Variants in TSHZ2 observed in about 807,000 individuals in gnomAD.
The protein encoded by TSHZ2 is teashirt homolog 2.
TSHZ2 carries 21 observed loss-of-function variants against 74.4 expected under a neutral mutation model. That is an observed-to-expected ratio of 0.28 (90% CI 0.20 to 0.41). TSHZ2 has a LOEUF of 0.41. Ranked by LOEUF, TSHZ2 falls within the 10% of genes least tolerant of loss-of-function variation. The pLI is 1.00. For missense variants in TSHZ2, 1,244 were observed against 1,293.5 expected (o/e 0.96, Z 0.59); for synonymous variants, 540 against 515.3 (o/e 1.05, Z -0.65).
intron 2 of TSHZ2, among the ~76,000 whole-genome samples, chr20:53,353,101 T>C (rs913917936): frequency 6.6e-6 from 1 of 152,138 alleles, no homozygotes; most frequent in Non-Finnish European, 1.5e-5. Context: ...AAAATGAAAA[T>C]AGAAAAATTA....
chr20:53,043,325 A>T (rs187766442), intron 1 of TSHZ2, among the ~76,000 whole-genome samples: 110 of 152,212 alleles, frequency 7.2e-4, no homozygotes, highest in Non-Finnish European at 1.3e-3. Context: ...ACATTACCAA[A>T]TGTCCCCGTT....
intron 2 of TSHZ2, among the ~76,000 whole-genome samples, chr20:53,391,901 C>G (rs899793900): frequency 2.0e-5 from 3 of 152,088 alleles, no homozygotes; most frequent in Non-Finnish European, 4.4e-5. Context: ...CAAGATGGTG[C>G]CACTGCACTC....
intron 1 of TSHZ2, among the ~76,000 whole-genome samples, chr20:53,009,119 A>G (rs994394481): frequency 6.6e-6 from 1 of 151,718 alleles, no homozygotes; most frequent in African/African-American, 2.4e-5. Context: ...GCTTGAGCCC[A>G]GGAGTTCAAG....
chr20:53,106,662 T>A (rs1361066978), intron 1 of TSHZ2, among the ~76,000 whole-genome samples: 5 of 150,818 alleles, frequency 3.3e-5, no homozygotes. Context: ...CCTCCCAAAG[T>A]GCTGGGATTA....
At chr20:53,231,975 C>G (rs139899233) in intron 1 of TSHZ2, among the ~76,000 whole-genome samples, 70 of 152,270 alleles carry the variant, frequency 4.6e-4, no homozygotes, top group African/African-American at 1.7e-3. Flanking sequence ...GCCTCAAACT[C>G]CTGGGCTCAA....
intron 1 of TSHZ2, chr20:53,178,491 A>G (rs568789755): frequency 6.6e-6 from 1 of 152,272 alleles, no homozygotes; most frequent in African/African-American, 2.4e-5. Context: ...GACTCTGTCC[A>G]TTGTAAAACA....
chr20:53,095,328 C>T (rs371385303), intron 1 of TSHZ2, among the ~76,000 whole-genome samples: 161 of 152,270 alleles, frequency 1.1e-3, no homozygotes, highest in African/African-American at 3.6e-3. Flanking sequence ...CTCAGAAGTT[C>T]TAGGCAATAT....
chr20:53,427,159 T>A (rs1983684942), intron 2 of TSHZ2, among the ~76,000 whole-genome samples: 1 of 151,934 alleles, frequency 6.6e-6, no homozygotes, highest in African/African-American at 2.4e-5. Flanking sequence ...TCAAGTAGAG[T>A]GTGATGGCGT....
chr20:53,136,323 C>T (rs1268621867), intron 1 of TSHZ2, among the ~76,000 whole-genome samples: 2 of 152,154 alleles, frequency 1.3e-5, no homozygotes, highest in East Asian at 1.9e-4. Flanking sequence ...AAGTAGAGAG[C>T]GTATATTGGT....
chr20:53,211,869 T>C (rs1044593028), intron 1 of TSHZ2, among the ~76,000 whole-genome samples: 2 of 152,204 alleles, frequency 1.3e-5, no homozygotes, highest in Non-Finnish European at 2.9e-5. Flanking sequence ...AGGTAACTTT[T>C]CAACACTCAT....
intron 2 of TSHZ2, among the ~76,000 whole-genome samples, chr20:53,278,750 G>A (rs1990993697): frequency 6.6e-6 from 1 of 152,042 alleles, no homozygotes; most frequent in African/African-American, 2.4e-5. Context: ...TCTAAATGAG[G>A]AGTCATCAAT....
chr20:53,099,007 T>TACCAA (rs1986138282), intron 1 of TSHZ2, among the ~76,000 whole-genome samples: 1 of 152,196 alleles, frequency 6.6e-6, no homozygotes, highest in South Asian at 2.1e-4. Context: ...AATGAGTCTT[T>TACCAA]GCCTAGGTGC....
rs140260988 is a variant in TSHZ2 at position 53,254,949 on chromosome 20, A to G, written c.1491A>G (p.Lys497=). ...AAAAACCTTTAGACCCTACAATCAA[A>G]TATCAATACCTAAGGGAGGAAGACT... ...PLQKPLDPTI[K]YQYLREEDLE... is the part of the protein sequence containing the mutation. Residue 497 remains lysine, a synonymous_variant, in exon 2 of 3, where the codon AAA becomes AAG. Coordinates refer to ENST00000371497, the MANE Select transcript of TSHZ2 (RefSeq NM_173485.6). 631 of 1,613,918 alleles carry G rather than the reference A, an allele frequency of 3.9e-4. 2 individuals are homozygous for G. In the African/African-American group the frequency reaches 7.0e-3, roughly 18 times the overall value.
chr20:53,110,904 G>A (rs1600695818), intron 1 of TSHZ2, among the ~76,000 whole-genome samples: 1 of 152,060 alleles, frequency 6.6e-6, no homozygotes, highest in East Asian at 1.9e-4. Flanking sequence ...TGAGTCAGAT[G>A]CCAGCAGACA....
In TSHZ2 at chr20:53,254,229, G is replaced by A. The variant is rs1169076838; in HGVS notation, c.771G>A (p.Lys257=). Residue 257 remains lysine (K), a synonymous_variant, in exon 2 of 3, where the codon AAG becomes AAA. Coordinates refer to ENST00000371497, the MANE Select transcript of TSHZ2 (RefSeq NM_173485.6). ...AGCTCAGACCCACGAGCTATTCAAA[G>A]CCCAGGAAAAGGGCTTTCCAGGATA... is the stretch of plus-strand genomic sequence containing the variant. ...KDKLRPTSYS[K]PRKRAFQDMD... 6.2e-7 allele frequency: 1 copy of A among 1,614,120 alleles called. No homozygotes were observed. Among genetic ancestry groups the A allele is most frequent in the Admixed American group, 1.7e-5 (1 of 60,032 alleles).
chr20:53,259,380 A>T (rs1197896904), intron 2 of TSHZ2, among the ~76,000 whole-genome samples: 1 of 152,256 alleles, frequency 6.6e-6, no homozygotes, highest in Non-Finnish European at 1.5e-5. Context: ...CTTTTCGTTA[A>T]AAATTTCATT....
chr20:53,178,938 T>A (rs1335835936), intron 1 of TSHZ2: 1 of 152,254 alleles, frequency 6.6e-6, no homozygotes, highest in Non-Finnish European at 1.5e-5. Context: ...TAAGTTTTCA[T>A]AAGCACTTTG....
chr20:53,216,979 A>G (rs544059639), intron 1 of TSHZ2, among the ~76,000 whole-genome samples: 1 of 152,306 alleles, frequency 6.6e-6, no homozygotes, highest in Admixed American at 6.5e-5. Context: ...CCAGTTTCCA[A>G]AGAGGCCGTG....
chr20:53,311,272 G>A (rs1443383781), intron 2 of TSHZ2, among the ~76,000 whole-genome samples: 2 of 152,216 alleles, frequency 1.3e-5, no homozygotes, highest in Non-Finnish European at 2.9e-5. Flanking sequence ...ACCTTGAACT[G>A]TAATTCTTAT....
Sources: gnomAD v4.1 joint callset for allele counts (sites outside exome capture counted in the v4.1 genomes callset) on GRCh38, gnomAD v4.1.1 for gene constraint, MANE v1.5 for transcripts, NCBI Gene and HGNC (gene_info 2026-07-23, HGNC 2026-07-21) for gene names.